The following CNTNAP2 variants were observed in gnomAD, a reference collection of about 807,000 sequenced individuals.
CNTNAP2 encodes contactin-associated protein-like 2.
Under a neutral mutation model 155.2 loss-of-function variants are expected in CNTNAP2, and 98 were observed. The observed-to-expected ratio is 0.63, with a 90% CI of 0.54 to 0.75. The LOEUF (loss-of-function observed/expected upper bound fraction) is 0.75. CNTNAP2 is among the 30% of genes least tolerant of loss of function. The pLI is 0.00. For missense variants in CNTNAP2, 1,727 were observed against 1,688.1 expected, an observed-to-expected ratio of 1.02 and a Z score of -0.40; for synonymous variants, 651 against 631.2, an observed-to-expected ratio of 1.03 and a Z score of -0.47.
At position 147,668,220 on chromosome 7, in the gene CNTNAP2, T is replaced by C. The variant is rs534011849; in HGVS notation, c.2098+28914T>C. On this transcript the variant is annotated intron_variant, in intron 13 of 23. Coordinates refer to ENST00000361727, the MANE Select transcript of CNTNAP2 (RefSeq NM_014141.6). ...TCACAGTGAAAGGTTTAGAAGTTTT[T>C]ACAGACCTCAACAAACTCCTTAAAA... Among the ~76,000 whole-genome samples the C allele has an allele frequency of 2.0e-5, 3 of 152,322 alleles. No homozygotes were observed. In the East Asian group the frequency reaches 5.8e-4, roughly 29 times the overall value.
At chr7:146,834,368 C>T (rs1001484676) in intron 2 of CNTNAP2, among the ~76,000 whole-genome samples, 84 of 152,158 alleles carry the variant, frequency 5.5e-4, no homozygotes, top group African/African-American at 1.9e-3. Flanking sequence ...AGAATGGACA[C>T]GTAGAATACA....
chr7:147,012,766 G>A (rs1367671660), intron 3 of CNTNAP2, among the ~76,000 whole-genome samples: 1 of 152,066 alleles, frequency 6.6e-6, no homozygotes, highest in African/African-American at 2.4e-5. Context: ...TGAATGTTTT[G>A]ATTTGGATAT....
chr7:146,399,957 T>G lies in CNTNAP2; in HGVS notation c.97+282984T>G, dbSNP rs901863547. 2.0e-5 allele frequency among the ~76,000 whole-genome samples: 3 copies of G among 152,204 alleles called. 1 individual carries two copies. Among genetic ancestry groups the G allele is most frequent in the Admixed American group, 2.0e-4 (3 of 15,272 alleles). On this transcript the variant is annotated intron_variant, in intron 1 of 23. Transcript: ENST00000361727. ...ACTAATTCTGTTAGTATAATAATTA[T>G]AACACTTATGGTGTCTTTCTGGGAA...
chr7:148,219,664 T>C (rs984023602), intron 19 of CNTNAP2, among the ~76,000 whole-genome samples: 5 of 152,158 alleles, frequency 3.3e-5, no homozygotes, highest in Non-Finnish European at 7.3e-5. Context: ...AGACTCCATC[T>C]CTACCAAAAA....
chr7:147,107,475 G>A (rs889837766), intron 4 of CNTNAP2, among the ~76,000 whole-genome samples: 1 of 152,044 alleles, frequency 6.6e-6, no homozygotes, highest in Non-Finnish European at 1.5e-5. Context: ...GAAGATATCT[G>A]TGTCCAATGT....
intron 11 of CNTNAP2, among the ~76,000 whole-genome samples, chr7:147,521,251 C>T (rs1045316145): frequency 2.6e-5 from 4 of 152,170 alleles, no homozygotes; most frequent in African/African-American, 7.2e-5. Context: ...TCATGCCATT[C>T]TCCTTCCTCT....
At chr7:146,478,783 A>G (rs149850742) in intron 1 of CNTNAP2, among the ~76,000 whole-genome samples, 1 of 152,230 alleles carries the variant, frequency 6.6e-6, no homozygotes, top group African/African-American at 2.4e-5. Flanking sequence ...ATTTAGAGAC[A>G]TGTGAAAAGT....
At chr7:147,927,884 C>A (rs944517380) in intron 14 of CNTNAP2, among the ~76,000 whole-genome samples, 1 of 152,272 alleles carries the variant, frequency 6.6e-6, no homozygotes, top group Admixed American at 6.5e-5. Flanking sequence ...GGACTACCTA[C>A]CGATTATCAA....
chr7:147,309,128 A>AG (rs1391523228), intron 9 of CNTNAP2, among the ~76,000 whole-genome samples: 2 of 152,074 alleles, frequency 1.3e-5, no homozygotes, highest in Non-Finnish European at 2.9e-5. Flanking sequence ...CTGGGGTTGG[A>AG]GGGGGGTAGA....
At chr7:147,175,657 A>G (rs1802324649) in intron 8 of CNTNAP2, among the ~76,000 whole-genome samples, 1 of 152,150 alleles carries the variant, frequency 6.6e-6, no homozygotes, top group Non-Finnish European at 1.5e-5. Flanking sequence ...ACAGCATCGC[A>G]GGGATGAGTT....
At chr7:148,220,634 G>GAA (rs5888310) in intron 19 of CNTNAP2, among the ~76,000 whole-genome samples, 47 of 148,014 alleles carry the variant, frequency 3.2e-4, no homozygotes, top group Non-Finnish European at 4.2e-4. Flanking sequence ...TATAGGGATA[G>GAA]AAAAAAAAAA....
At chr7:146,650,100 T>A (rs1373669422) in intron 1 of CNTNAP2, among the ~76,000 whole-genome samples, 1 of 151,912 alleles carries the variant, frequency 6.6e-6, no homozygotes, top group East Asian at 1.9e-4. Flanking sequence ...TTGGTGGGAG[T>A]GTAATTTGTC....
chr7:147,463,426 T>C (rs1798059598), intron 10 of CNTNAP2, among the ~76,000 whole-genome samples: 1 of 152,178 alleles, frequency 6.6e-6, no homozygotes, highest in Non-Finnish European at 1.5e-5. Context: ...TTATTGAGCT[T>C]CTACTATATC....
At chr7:147,165,301 T>G (rs1291376711) in intron 8 of CNTNAP2, among the ~76,000 whole-genome samples, 1 of 152,218 alleles carries the variant, frequency 6.6e-6, no homozygotes, top group Non-Finnish European at 1.5e-5. Context: ...TATTTTCTTT[T>G]GAGAATTGTC....
chr7:148,407,098 TGAAGA>T (rs1314743897), intron 22 of CNTNAP2, among the ~76,000 whole-genome samples: 4 of 152,190 alleles, frequency 2.6e-5, no homozygotes, highest in Admixed American at 1.3e-4. Flanking sequence ...TGAATAAATT[TGAAGA>T]GAAGATTCAG....
At chr7:147,307,934 A>T (rs529658154) in intron 9 of CNTNAP2, among the ~76,000 whole-genome samples, 2 of 152,220 alleles carry the variant, frequency 1.3e-5, no homozygotes, top group Non-Finnish European at 2.9e-5. Flanking sequence ...CAGGGGAAAA[A>T]GTGCTTGCTC....
At chr7:146,315,076 A>G (rs1206580861) in intron 1 of CNTNAP2, among the ~76,000 whole-genome samples, 1 of 152,116 alleles carries the variant, frequency 6.6e-6, no homozygotes, top group African/African-American at 2.4e-5. Context: ...TTTAGGCTCA[A>G]GTTGGCTTTT....
At chr7:148,384,406 T>A (rs944850667) in intron 22 of CNTNAP2, among the ~76,000 whole-genome samples, 10 of 152,208 alleles carry the variant, frequency 6.6e-5, no homozygotes, top group African/African-American at 2.4e-4. Flanking sequence ...TGGGAAGACA[T>A]GTAATTTGAA....
chr7:147,527,386 C>T (rs986196663), intron 11 of CNTNAP2, among the ~76,000 whole-genome samples: 1 of 152,082 alleles, frequency 6.6e-6, no homozygotes, highest in African/African-American at 2.4e-5. Flanking sequence ...TCTTAGAGAG[C>T]ATACCCAAGG....
Sources: allele counts gnomAD v4.1 joint callset (sites outside exome capture counted in the v4.1 genomes callset), GRCh38; gene constraint gnomAD v4.1.1; transcripts MANE v1.5; gene names NCBI Gene and HGNC (gene_info 2026-07-23, HGNC 2026-07-21).